Variants in RPH3A observed in about 807,000 individuals in gnomAD.
RPH3A encodes the protein rabphilin-3A.
RPH3A carries 48 observed loss-of-function variants against 102.2 expected under a neutral mutation model. That is an observed-to-expected ratio of 0.47 (90% CI 0.37 to 0.60). RPH3A has a LOEUF of 0.60. Ranked by LOEUF, RPH3A falls within the 20% of genes least tolerant of loss-of-function variation. The pLI, the probability that RPH3A is intolerant of heterozygous loss-of-function variation, is 0.00. For missense variants in RPH3A, 781 were observed against 910.1 expected (o/e 0.86, Z 1.83); for synonymous variants, 310 against 324.3 (o/e 0.96, Z 0.47).
At position 112,896,774 on chromosome 12, in the gene RPH3A, T is replaced by G; in HGVS notation, c.2079T>G (p.Ser693Arg). Residue 693 changes from serine (S) to arginine (R), a missense_variant, in exon 22 of 22, where the codon AGT becomes AGG. Physicochemically the swap from Ser to Arg is moderately radical, Grantham distance 110. Coordinates refer to ENST00000389385, the MANE Select transcript of RPH3A (RefSeq NM_001143854.2). The stretch of plus-strand genomic sequence containing the variant: ...TACAGAATGAGAACCACGTGTCAAG[T>G]GATTAGGCTAGTGCCCAGGTCCCCA... ...HQLQNENHVSSD is the reference protein window; with the variant it reads ...HQLQNENHVSRD 1 of 1,613,954 alleles carries G rather than the reference T, an allele frequency of 6.2e-7. No homozygotes were observed. Among genetic ancestry groups the G allele is most frequent in the Non-Finnish European group, 8.5e-7 (1 of 1,179,970 alleles).
Position 112,828,302 on chromosome 12 carries a change from A to G in RPH3A, c.-17A>G. 6.2e-7 allele frequency: 1 copy of G among 1,607,870 alleles called. No homozygotes were observed. Among genetic ancestry groups the G allele is most frequent in the Non-Finnish European group, 8.5e-7 (1 of 1,175,652 alleles). ...CCTCTCTGGATTGATGTTTTCCAGGAGCACTAGACATCTACTATGACTGAC... is the reference window on the plus strand; with the variant it reads ...CCTCTCTGGATTGATGTTTTCCAGGGGCACTAGACATCTACTATGACTGAC... On this transcript the variant is annotated splice_region_variant and 5_prime_UTR_variant, in exon 3 of 22. Transcript: ENST00000389385.
intron 2 of RPH3A, among the ~76,000 whole-genome samples, chr12:112,799,199 C>A (rs941562743): frequency 1.3e-5 from 2 of 152,104 alleles, no homozygotes; most frequent in Admixed American, 6.5e-5. Context: ...CCAGCCTGGG[C>A]AACATGTGAG....
At chr12:112,673,695 A>G (rs778340852) in intron 1 of RPH3A, among the ~76,000 whole-genome samples, 1 of 152,174 alleles carries the variant, frequency 6.6e-6, no homozygotes, top group Non-Finnish European at 1.5e-5. Flanking sequence ...CAATCCAATC[A>G]CACTCTTTGT....
At chr12:112,798,440 C>A (rs1203091183) in intron 2 of RPH3A, among the ~76,000 whole-genome samples, 2 of 152,178 alleles carry the variant, frequency 1.3e-5, no homozygotes, top group African/African-American at 2.4e-5. Context: ...TGCACCTACA[C>A]AATGACGAGT....
At chr12:112,746,333 C>CAGAGGAGCATCT (rs1565868265) in intron 1 of RPH3A, among the ~76,000 whole-genome samples, 1 of 152,144 alleles carries the variant, frequency 6.6e-6, no homozygotes, top group African/African-American at 2.4e-5. Flanking sequence ...AGAGGAGGGA[C>CAGAGGAGCATCT]GTACATGCTC....
At chr12:112,867,340 A>C (rs2136222749) in intron 7 of RPH3A, among the ~76,000 whole-genome samples, 1 of 150,914 alleles carries the variant, frequency 6.6e-6, no homozygotes, top group Non-Finnish European at 1.5e-5. Flanking sequence ...CCTGCTTCTT[A>C]CTCATCTTAC....
chr12:112,697,800 G>A (rs577456042), intron 1 of RPH3A, among the ~76,000 whole-genome samples: 12 of 152,246 alleles, frequency 7.9e-5, no homozygotes, highest in Non-Finnish European at 1.8e-4. Flanking sequence ...AGGAGGCGGA[G>A]GTTGCAGTGA....
At chr12:112,684,958 A>C (rs926711848) in intron 1 of RPH3A, among the ~76,000 whole-genome samples, 1 of 152,080 alleles carries the variant, frequency 6.6e-6, no homozygotes, top group Non-Finnish European at 1.5e-5. Flanking sequence ...GGCTCCCTCA[A>C]ACCCTTTTCT....
chr12:112,771,594 G>A (rs896218023), intron 1 of RPH3A, among the ~76,000 whole-genome samples: 8 of 152,186 alleles, frequency 5.3e-5, no homozygotes, highest in South Asian at 2.1e-4. Flanking sequence ...GAATTGCTGA[G>A]TCAAAGAGAT....
intron 1 of RPH3A, among the ~76,000 whole-genome samples, chr12:112,711,926 G>T (rs553817555): frequency 6.6e-6 from 1 of 152,028 alleles, no homozygotes; most frequent in African/African-American, 2.4e-5. Flanking sequence ...TCTGCCTCCC[G>T]GGTTCAAGCA....
rs185228189 is a variant in RPH3A at position 112,724,473 on chromosome 12, T to C, written c.-139-67670T>C. 4.4e-4 allele frequency among the ~76,000 whole-genome samples: 67 copies of C among 152,332 alleles called. 1 individual carries two copies. The highest frequency in any genetic ancestry group is 2.5e-3 in the South Asian group (12 of 4,820). ...TTATTGAAAAAAAGTCATGCATAAA[T>C]GAACCTGCACAGTTCAAACCCATGT... On this transcript the variant is annotated intron_variant, in intron 1 of 21. Coordinates refer to the RPH3A transcript ENST00000543106.
chr12:112,877,258 A>T (rs1211518449), intron 13 of RPH3A, among the ~76,000 whole-genome samples: 1 of 152,166 alleles, frequency 6.6e-6, no homozygotes, highest in Admixed American at 6.5e-5. Context: ...AACAATTTTT[A>T]AAACTCTTTA....
chr12:112,612,678 C>T (rs2039648170), intron 1 of RPH3A, among the ~76,000 whole-genome samples: 1 of 151,536 alleles, frequency 6.6e-6, no homozygotes, highest in Admixed American at 6.6e-5. Flanking sequence ...GATCCCCCTG[C>T]CCCAGCCTCC....
chr12:112,715,616 C>A (rs1236178100), intron 1 of RPH3A, among the ~76,000 whole-genome samples: 1 of 152,112 alleles, frequency 6.6e-6, no homozygotes, highest in African/African-American at 2.4e-5. Flanking sequence ...TTAAACTTTT[C>A]TTGGCTGTAG....
At chr12:112,672,311 C>T (rs1049801803) in intron 1 of RPH3A, among the ~76,000 whole-genome samples, 1 of 152,172 alleles carries the variant, frequency 6.6e-6, no homozygotes, top group African/African-American at 2.4e-5. Context: ...ACCCACATTA[C>T]AGAGGGTAAT....
intron 20 of RPH3A, 90 bp downstream of exon 20, chr12:112,894,749 C>T (rs746483643): frequency 6.2e-5 from 63 of 1,014,238 alleles, no homozygotes; most frequent in Non-Finnish European, 8.9e-5. Flanking sequence ...AATATGTGGC[C>T]ACATAGCCAT....
chr12:112,686,059 G>A (rs151334575), intron 1 of RPH3A, among the ~76,000 whole-genome samples: 34 of 152,186 alleles, frequency 2.2e-4, no homozygotes, highest in Non-Finnish European at 4.9e-4. Flanking sequence ...TGACTCCCTC[G>A]TTCTCCAGGA....
chr12:112,789,088 G>A (rs963625739), upstream of RPH3A, among the ~76,000 whole-genome samples: 1 of 152,044 alleles, frequency 6.6e-6, no homozygotes. Context: ...AATCCAGGAG[G>A]TGGAGGTTGC....
At chr12:112,782,587 C>A (rs73425013) in intron 1 of RPH3A, among the ~76,000 whole-genome samples, 5,371 of 152,228 alleles carry the variant, frequency 0.035, 296 homozygotes, top group African/African-American at 0.12. Flanking sequence ...AGTGACTGAC[C>A]AGGATCTTGA....
Sources: gnomAD v4.1 joint callset for allele counts (sites outside exome capture counted in the v4.1 genomes callset) on GRCh38, gnomAD v4.1.1 for gene constraint, MANE v1.5 for transcripts, NCBI Gene and HGNC (gene_info 2026-07-23, HGNC 2026-07-21) for gene names.